Variants in NHS observed in about 807,000 individuals in gnomAD.
NHS encodes the protein actin remodeling regulator NHS.
In NHS, 5 loss-of-function variants were observed where a neutral mutation model predicts 72.5. That is an observed-to-expected ratio of 0.07 (90% CI 0.04 to 0.14). The LOEUF is 0.14. Ranked by LOEUF, NHS falls within the 10% of genes least tolerant of loss-of-function variation. NHS has a pLI of 1.00. For missense variants in NHS, 1,072 were observed against 1,355.7 expected (o/e 0.79, Z 3.29); for synonymous variants, 464 against 547.7 (o/e 0.85, Z 2.13).
intron 1 of NHS, among the ~76,000 whole-genome samples, chrX:17,563,816 G>A (rs986863870): frequency 9.2e-6 from 1 of 108,411 alleles, no homozygotes; most frequent in Non-Finnish European, 1.9e-5. Flanking sequence ...GGTGGGGGAG[G>A]TGGAGAGGAA....
intron 1 of NHS, among the ~76,000 whole-genome samples, chrX:17,451,121 A>C (rs1430552195): frequency 8.9e-6 from 1 of 112,390 alleles, no homozygotes; most frequent in Non-Finnish European, 1.9e-5. Flanking sequence ...ACATGTTGAA[A>C]AATATTTTGG....
chrX:17,533,429 G>A (rs1450546707), intron 1 of NHS, among the ~76,000 whole-genome samples: 1 of 110,902 alleles, frequency 9.0e-6, no homozygotes, highest in African/African-American at 3.3e-5. Flanking sequence ...TGGGATTACA[G>A]GCATGCACCA....
At chrX:17,688,278 C>A (rs192269541) in intron 2 of NHS, among the ~76,000 whole-genome samples, 86 of 111,100 alleles carry the variant, frequency 7.7e-4, no homozygotes, top group African/African-American at 2.6e-3. Context: ...GAGGGCATGA[C>A]CATAAAAACT....
intron 1 of NHS, among the ~76,000 whole-genome samples, chrX:17,611,303 G>A (rs1314248450): frequency 2.7e-5 from 3 of 111,844 alleles, no homozygotes; most frequent in Non-Finnish European, 5.6e-5. Context: ...AAACCCACAT[G>A]GTTTGTTGCA....
intron 1 of NHS, among the ~76,000 whole-genome samples, chrX:17,639,000 G>A (rs771085794): frequency 1.8e-5 from 2 of 111,798 alleles, no homozygotes; most frequent in South Asian, 3.8e-4. Flanking sequence ...AATTGAGCAC[G>A]CCAAGGCAAT....
intron 1 of NHS, among the ~76,000 whole-genome samples, chrX:17,537,310 C>T (rs931813143): frequency 8.9e-6 from 1 of 112,038 alleles, no homozygotes; most frequent in African/African-American, 3.3e-5. Flanking sequence ...GCATAATGAA[C>T]AATGAAATTC....
intron 1 of NHS, among the ~76,000 whole-genome samples, chrX:17,512,799 A>G (rs187598047): frequency 1.8e-5 from 2 of 112,130 alleles, no homozygotes; most frequent in Admixed American, 1.9e-4. Context: ...AAACCTAGCT[A>G]AAATTACCTA....
chrX:17,689,345 G>A (rs941498896), intron 2 of NHS, among the ~76,000 whole-genome samples: 1 of 112,351 alleles, frequency 8.9e-6, no homozygotes. Flanking sequence ...GTGATGATCA[G>A]TATCCTGTAG....
At chrX:17,567,353 C>G (rs1272402222) in intron 1 of NHS, among the ~76,000 whole-genome samples, 1 of 111,832 alleles carries the variant, frequency 8.9e-6, no homozygotes, top group Non-Finnish European at 1.9e-5. Flanking sequence ...CTCCTGGCAC[C>G]CACTCACATC....
chrX:17,661,505 C>T (rs774792287), intron 1 of NHS, among the ~76,000 whole-genome samples: 1 of 110,796 alleles, frequency 9.0e-6, no homozygotes, highest in Non-Finnish European at 1.9e-5. Context: ...ATTTACTTTT[C>T]TCTGGCAAGT....
chrX:17,610,973 T>C (rs1036748953), intron 1 of NHS, among the ~76,000 whole-genome samples: 1 of 112,279 alleles, frequency 8.9e-6, no homozygotes, highest in Non-Finnish European at 1.9e-5. Context: ...GATATGCCCA[T>C]TTAGAAACTT....
At chrX:17,510,741 C>A (rs2065083266) in intron 1 of NHS, among the ~76,000 whole-genome samples, 2 of 112,137 alleles carry the variant, frequency 1.8e-5, no homozygotes, top group Admixed American at 1.9e-4. Flanking sequence ...AAACTCCAGC[C>A]TTATTACTCT....
intron 1 of NHS, among the ~76,000 whole-genome samples, chrX:17,653,844 C>A (rs900070310): frequency 8.9e-6 from 1 of 111,887 alleles, no homozygotes; most frequent in Non-Finnish European, 1.9e-5. Context: ...TGTTAACATA[C>A]AGATGGCCAG....
chrX:17,520,387 A>G (rs1048014997), intron 1 of NHS, among the ~76,000 whole-genome samples: 1 of 112,545 alleles, frequency 8.9e-6, no homozygotes, highest in Non-Finnish European at 1.9e-5. Context: ...GCTGACTGCC[A>G]AGAAAGCAAG....
At chrX:17,423,337 A>G (rs1363280053) in intron 1 of NHS, among the ~76,000 whole-genome samples, 4 of 112,194 alleles carry the variant, frequency 3.6e-5, no homozygotes. Context: ...GGGTGAAGAT[A>G]TAAGAGAGGA....
chrX:17,614,532 C>T (rs1478692796), intron 1 of NHS, among the ~76,000 whole-genome samples: 1 of 111,459 alleles, frequency 9.0e-6, no homozygotes, highest in African/African-American at 3.3e-5. Flanking sequence ...TTCATCACAG[C>T]GGGTTACATT....
At chrX:17,715,106 T>A (rs939344924) in intron 3 of NHS, among the ~76,000 whole-genome samples, 1 of 111,640 alleles carries the variant, frequency 9.0e-6, no homozygotes, top group Non-Finnish European at 1.9e-5. Flanking sequence ...TTCTGAAATT[T>A]TAGTGCACCC....
intron 1 of NHS, among the ~76,000 whole-genome samples, chrX:17,390,781 A>G (rs765540535): frequency 1.8e-5 from 2 of 112,471 alleles, no homozygotes; most frequent in African/African-American, 6.4e-5. Context: ...ATGAAGAAAA[A>G]TATATTGCGT....
chrX:17,511,950 C>T (rs2065090823), intron 1 of NHS, among the ~76,000 whole-genome samples: 1 of 111,686 alleles, frequency 9.0e-6, no homozygotes, highest in African/African-American at 3.3e-5. Flanking sequence ...ACCCCAGCTC[C>T]ATCACCTCTC....
Sources: gnomAD v4.1 joint callset for allele counts (sites outside exome capture counted in the v4.1 genomes callset) on GRCh38, gnomAD v4.1.1 for gene constraint, MANE v1.5 for transcripts, NCBI Gene and HGNC (gene_info 2026-07-23, HGNC 2026-07-21) for gene names.